SLC9A9: variants seen among roughly 807,000 people sequenced by gnomAD.
The protein encoded by SLC9A9 is solute carrier family 9 member A9.
Under a neutral mutation model 77.8 loss-of-function variants are expected in SLC9A9, and 62 were observed. That is an observed-to-expected ratio of 0.80 (90% confidence interval 0.65 to 0.98). SLC9A9 has a LOEUF of 0.98. SLC9A9 is among the 50% of genes least tolerant of loss of function. SLC9A9 has a pLI of 0.00. For synonymous variants in SLC9A9, 320 were observed against 283.5 expected (o/e 1.13, Z -1.29); for missense variants, 775 against 774.9 (o/e 1.00, Z 0.00).
chr3:143,750,132 C>T (rs1307941818), intron 4 of SLC9A9, among the ~76,000 whole-genome samples: 3 of 151,990 alleles, frequency 2.0e-5, no homozygotes, highest in African/African-American at 4.8e-5. Context: ...TGCATAATGC[C>T]GTATTGTCTT....
chr3:143,505,016 T>C (rs1439773197), intron 9 of SLC9A9, among the ~76,000 whole-genome samples: 1 of 152,058 alleles, frequency 6.6e-6, no homozygotes, highest in South Asian at 2.1e-4. Flanking sequence ...TGTTTGATCA[T>C]CGGAACAAGT....
intron 14 of SLC9A9, among the ~76,000 whole-genome samples, chr3:143,334,348 G>C (rs1344048767): frequency 1.3e-5 from 2 of 152,248 alleles, no homozygotes; most frequent in African/African-American, 4.8e-5. Flanking sequence ...TCAAGAAAGA[G>C]CATATATTAG....
At chr3:143,460,432 T>TG (rs1007906958) in intron 12 of SLC9A9, among the ~76,000 whole-genome samples, 3 of 151,974 alleles carry the variant, frequency 2.0e-5, no homozygotes, top group African/African-American at 7.2e-5. Flanking sequence ...ATCACTTTTT[T>TG]TTTTCAAACG....
In SLC9A9 at chr3:143,457,242, T is replaced by C. The variant is rs191093279; in HGVS notation, c.1469+9795A>G. Among the ~76,000 whole-genome samples the C allele has an allele frequency of 3.0e-3, 461 of 152,202 alleles. 2 individuals carry two copies. The highest frequency in any genetic ancestry group is 0.011 in the African/African-American group (448 of 41,546). On this transcript the variant is annotated intron_variant, in intron 12 of 15. Transcript: ENST00000316549. ...TATGTTGCTCAGACTGCTGTCAAAC[T>C]CCTGGGCTCAAGCAATTCTCCTGCC...
chr3:143,726,035 G>A (rs550024233), intron 4 of SLC9A9, among the ~76,000 whole-genome samples: 1 of 151,956 alleles, frequency 6.6e-6, no homozygotes, highest in East Asian at 1.9e-4. Context: ...ATGGTGAAAT[G>A]TATATTTACT....
intron 11 of SLC9A9, among the ~76,000 whole-genome samples, chr3:143,478,017 C>T (rs1370768293): frequency 6.6e-6 from 1 of 152,214 alleles, no homozygotes; most frequent in Admixed American, 6.5e-5. Context: ...CTTTCTCCAG[C>T]ATCACTGGCA....
intron 11 of SLC9A9, among the ~76,000 whole-genome samples, chr3:143,487,122 G>A (rs187741962): frequency 1.3e-5 from 2 of 151,664 alleles, no homozygotes; most frequent in South Asian, 2.1e-4. Flanking sequence ...ACAGAAGGGA[G>A]TAGCTATACT....
chr3:143,407,642 T>C (rs1269410007), intron 12 of SLC9A9, among the ~76,000 whole-genome samples: 1 of 152,190 alleles, frequency 6.6e-6, no homozygotes, highest in Non-Finnish European at 1.5e-5. Context: ...GACAAGGATC[T>C]TTAGAATCAG....
chr3:143,692,010 C>T (rs1473473647), intron 5 of SLC9A9, among the ~76,000 whole-genome samples: 1 of 152,006 alleles, frequency 6.6e-6, no homozygotes, highest in Non-Finnish European at 1.5e-5. Flanking sequence ...TAGAAGGGTC[C>T]CAGCACCACC....
At chr3:143,786,201 G>A (rs755963279) in intron 4 of SLC9A9, among the ~76,000 whole-genome samples, 15 of 152,174 alleles carry the variant, frequency 9.9e-5, no homozygotes, top group Non-Finnish European at 1.9e-4. Flanking sequence ...GGAATCCTTA[G>A]GATAGGTTGT....
chr3:143,580,956 G>A lies in SLC9A9; in HGVS notation c.756-2233C>T, dbSNP rs544675210. ...CAGGCAGGGAAGAGCATAGAGAAGG[G>A]AAGCAGGATTTGATCCAATAAACAT... On this transcript the variant is annotated intron_variant, in intron 6 of 15. Transcript: ENST00000316549. 8.5e-5 allele frequency among the ~76,000 whole-genome samples: 13 copies of A among 152,310 alleles called. No individual in the cohort carries two copies. In the South Asian group the frequency reaches 2.7e-3, roughly 32 times the overall value.
intron 9 of SLC9A9, among the ~76,000 whole-genome samples, chr3:143,496,335 C>G (rs945384567): frequency 6.6e-6 from 1 of 152,350 alleles, no homozygotes; most frequent in East Asian, 1.9e-4. Flanking sequence ...CCAGACTTCT[C>G]ATTTGGAAGT....
intron 2 of SLC9A9, among the ~76,000 whole-genome samples, chr3:143,828,932 C>G (rs955447587): frequency 2.0e-5 from 3 of 152,182 alleles, no homozygotes; most frequent in Non-Finnish European, 2.9e-5. Context: ...CCTTGGTGAT[C>G]TTCTAAAAAT....
At chr3:143,510,225 C>T (rs1021218160) in intron 9 of SLC9A9, among the ~76,000 whole-genome samples, 2 of 152,028 alleles carry the variant, frequency 1.3e-5, no homozygotes, top group Non-Finnish European at 2.9e-5. Flanking sequence ...CAGACAGATT[C>T]TTATATTTGC....
intron 12 of SLC9A9, among the ~76,000 whole-genome samples, chr3:143,451,657 C>G (rs1403665304): frequency 6.6e-6 from 1 of 152,000 alleles, no homozygotes; most frequent in Non-Finnish European, 1.5e-5. Flanking sequence ...GGGAAGTTCC[C>G]CCTGCTTAAT....
intron 6 of SLC9A9, among the ~76,000 whole-genome samples, chr3:143,589,191 T>C (rs2037608316): frequency 6.6e-6 from 1 of 152,236 alleles, no homozygotes; most frequent in Non-Finnish European, 1.5e-5. Flanking sequence ...TCAAGCACTA[T>C]GTTAAGCATT....
intron 12 of SLC9A9, among the ~76,000 whole-genome samples, chr3:143,431,447 C>T (rs767470932): frequency 2.0e-5 from 3 of 151,446 alleles, no homozygotes; most frequent in Non-Finnish European, 2.9e-5. Flanking sequence ...AGTTAGATCA[C>T]ATCCCTTGTT....
chr3:143,383,990 C>T (rs1323072598), intron 12 of SLC9A9, among the ~76,000 whole-genome samples: 1 of 152,156 alleles, frequency 6.6e-6, no homozygotes, highest in South Asian at 2.1e-4. Flanking sequence ...TCTCTCTAAC[C>T]AAGGGAACAA....
chr3:143,478,758 T>A (rs1559933455), intron 11 of SLC9A9, among the ~76,000 whole-genome samples: 1 of 152,238 alleles, frequency 6.6e-6, no homozygotes. Flanking sequence ...CTGGCACAGA[T>A]AGACTAATTT....
Sources: allele counts gnomAD v4.1 joint callset (sites outside exome capture counted in the v4.1 genomes callset), GRCh38; gene constraint gnomAD v4.1.1; transcripts MANE v1.5; gene names NCBI Gene and HGNC (gene_info 2026-07-23, HGNC 2026-07-21).